ITGB8: variants seen among roughly 807,000 people sequenced by gnomAD.
ITGB8 encodes the protein integrin beta-8.
ITGB8 carries 30 observed loss-of-function variants against 89.5 expected under a neutral mutation model. The ratio of observed to expected loss-of-function variants is 0.34; its 90% confidence interval spans 0.25 to 0.45. The LOEUF (loss-of-function observed/expected upper bound fraction) is 0.45, where lower values mean the gene tolerates loss of function less well. ITGB8 is among the 20% of genes least tolerant of loss of function. The pLI is 1.00. For synonymous variants in ITGB8, 335 were observed against 320.4 expected (o/e 1.05, Z -0.49); for missense variants, 836 against 933.3 (o/e 0.90, Z 1.36).
chr7:20,403,995 ATCTT>A (rs1024396101), intron 10 of ITGB8, among the ~76,000 whole-genome samples: 2 of 152,120 alleles, frequency 1.3e-5, no homozygotes, highest in African/African-American at 4.8e-5. Context: ...CACACACACC[ATCTT>A]TCTTTCTTTT....
chr7:20,367,836 T>C (rs947764964), intron 3 of ITGB8, among the ~76,000 whole-genome samples: 2 of 152,212 alleles, frequency 1.3e-5, no homozygotes, highest in Non-Finnish European at 1.5e-5. Context: ...GTTTGGCCTA[T>C]GTTGTAGGCC....
At chr7:20,400,210 TG>T (rs11361173) in intron 9 of ITGB8, among the ~76,000 whole-genome samples, 3,309 of 152,302 alleles carry the variant, frequency 0.022, 99 homozygotes, top group African/African-American at 0.068. Context: ...GCTTTTACAT[TG>T]TTTTTTTTCT....
chr7:20,406,549 T>TA (rs35654498), intron 12 of ITGB8, among the ~76,000 whole-genome samples: 100 of 148,414 alleles, frequency 6.7e-4, no homozygotes, highest in Middle Eastern at 3.4e-3. Context: ...GAACCCCATT[T>TA]AAAAAAAAAA....
At chr7:20,373,510 A>G (rs1193852612) in intron 3 of ITGB8, among the ~76,000 whole-genome samples, 1 of 152,206 alleles carries the variant, frequency 6.6e-6, no homozygotes, top group Non-Finnish European at 1.5e-5. Flanking sequence ...ATAATGTGCA[A>G]AAAGAATCTT....
Position 20,331,626 on chromosome 7 carries a change from C to G in ITGB8, c.-181C>G, listed in dbSNP as rs1784397700. 13 of 625,172 alleles carry G rather than the reference C, an allele frequency of 2.1e-5. 1 individual carries two copies. Among genetic ancestry groups the G allele is most frequent in the Middle Eastern group, 4.5e-4 (1 of 2,236 alleles). The allele number at this position is 625,172 out of a possible 1,614,324, so 38.7% of individuals were successfully genotyped here. On this transcript the variant is annotated 5_prime_UTR_variant, in exon 1 of 14. Coordinates refer to ENST00000222573, the MANE Select transcript of ITGB8 (RefSeq NM_002214.3). ...GAGGGCCGCAGGGGCCCTGAGATGC[C>G]GAGCGGTGCCCGGGCCCGCTTACCT...
Position 20,366,891 on chromosome 7 carries a change from T to C in ITGB8, c.214-121T>C, listed in dbSNP as rs1427934065. Reference sequence around the variant, plus strand: ...TTTTCTTGTAGAAATAGTAAAAACATAAGGATTAGAAGAAATTAAAATGAT... The same window carrying C: ...TTTTCTTGTAGAAATAGTAAAAACACAAGGATTAGAAGAAATTAAAATGAT... On this transcript the variant is annotated intron_variant, in intron 2 of 13. Coordinates refer to ENST00000222573, the MANE Select transcript of ITGB8 (RefSeq NM_002214.3). The C allele has an allele frequency of 1.4e-5, 9 of 640,188 alleles. No individual in the cohort carries two copies. In the South Asian group the frequency reaches 2.2e-4, roughly 15 times the overall value. The allele number at this position is 640,188 out of a possible 1,614,324, so 39.7% of individuals were successfully genotyped here.
chr7:20,373,186 A>T (rs1308982765), intron 3 of ITGB8, among the ~76,000 whole-genome samples: 2 of 152,218 alleles, frequency 1.3e-5, no homozygotes, highest in East Asian at 3.8e-4. Flanking sequence ...GTTTCTTAAA[A>T]AATGTTAGTA....
rs754971087 is a variant in ITGB8 at position 20,409,902 on chromosome 7, A to C, written c.2215A>C (p.Thr739Pro). The change falls in exon 14 of 14, where the codon ACA becomes CCA. Residue 739 changes from threonine (T) to proline (P), a missense_variant. Thr to Pro is a conservative substitution (Grantham distance 38). Coordinates refer to ENST00000222573, the MANE Select transcript of ITGB8 (RefSeq NM_002214.3). Reference protein sequence around the residue: ...KDKLILQSVCTRAVTYRREKP... With the variant: ...KDKLILQSVCPRAVTYRREKP... ...TAAGTTGATTCTGCAAAGTGTTTGC[A>C]CAAGAGCAGTCACCTACCGACGTGA... The C allele has an allele frequency of 1.9e-6, 3 of 1,613,816 alleles. No homozygotes were observed. In the South Asian group the frequency reaches 3.3e-5, roughly 18 times the overall value.
intron 6 of ITGB8, among the ~76,000 whole-genome samples, chr7:20,390,082 T>C (rs1181868830): frequency 1.3e-5 from 2 of 152,152 alleles, no homozygotes; most frequent in South Asian, 2.1e-4. Flanking sequence ...GTCTAGCCCT[T>C]TTACCAAGTT....
intron 4 of ITGB8, chr7:20,380,424 G>A: frequency 2.3e-6 from 1 of 428,970 alleles, no homozygotes; most frequent in Non-Finnish European, 4.1e-6. Flanking sequence ...TAAAAAACAT[G>A]TTTAATCATC....
In ITGB8 at chr7:20,413,489, G is replaced by A. The variant is rs1442442396; in HGVS notation, c.*3492G>A. On this transcript the variant is annotated 3_prime_UTR_variant, in exon 14 of 14. Coordinates refer to ENST00000222573, the MANE Select transcript of ITGB8 (RefSeq NM_002214.3). Reference sequence around the variant, plus strand: ...TAGAATTATATTCTTCCTGGAACCTGGTAGAGTAGATTAGACTCAAAGGCT... The same window carrying A: ...TAGAATTATATTCTTCCTGGAACCTAGTAGAGTAGATTAGACTCAAAGGCT... 1.3e-5 allele frequency: 2 copies of A among 152,582 alleles called. No individual in the cohort carries two copies. Among genetic ancestry groups the A allele is most frequent in the African/African-American group, 2.4e-5 (1 of 41,550 alleles). The allele number at this position is 152,582 out of a possible 1,614,324, so 9.5% of individuals were successfully genotyped here. A position where few individuals can be genotyped will look rare whatever the true frequency, so the allele number is the denominator to read the frequency against.
intron 8 of ITGB8, among the ~76,000 whole-genome samples, chr7:20,397,944 G>A (rs558705869): frequency 1.3e-5 from 2 of 151,338 alleles, no homozygotes; most frequent in African/African-American, 2.4e-5. Context: ...CACATACTTC[G>A]TTTTTCCTTT....
upstream of ITGB8, among the ~76,000 whole-genome samples, chr7:20,330,323 C>A (rs888909949): frequency 3.3e-5 from 5 of 152,158 alleles, no homozygotes; most frequent in Non-Finnish European, 7.3e-5. Flanking sequence ...GCGTTGGGGG[C>A]AGGGGAGGTC....
chr7:20,386,597 T>C (rs1786637421), intron 6 of ITGB8, among the ~76,000 whole-genome samples: 1 of 151,938 alleles, frequency 6.6e-6, no homozygotes, highest in Admixed American at 6.6e-5. Context: ...AGAACTAATT[T>C]GAATGCTTCT....
At chr7:20,399,352 G>A (rs981638736) in intron 9 of ITGB8, among the ~76,000 whole-genome samples, 2 of 152,000 alleles carry the variant, frequency 1.3e-5, no homozygotes, top group African/African-American at 2.4e-5. Flanking sequence ...ATGCCTTTTT[G>A]ATTTCATATT....
At chr7:20,371,084 G>A (rs1388403745) in intron 3 of ITGB8, among the ~76,000 whole-genome samples, 1 of 152,088 alleles carries the variant, frequency 6.6e-6, no homozygotes, top group African/African-American at 2.4e-5. Context: ...ACCAAAGATA[G>A]TTGATTTTTG....
intron 1 of ITGB8, among the ~76,000 whole-genome samples, chr7:20,342,527 G>A (rs551455137): frequency 1.3e-5 from 2 of 152,304 alleles, no homozygotes; most frequent in Admixed American, 1.3e-4. Flanking sequence ...GTTGTTGGAT[G>A]TTGCCTAGAT....
intron 4 of ITGB8, chr7:20,380,012 C>A (rs1786313129): frequency 6.6e-6 from 1 of 152,120 alleles, no homozygotes; most frequent in Non-Finnish European, 1.5e-5. Context: ...TTTCTTGCTT[C>A]TACAAATTGC....
At chr7:20,372,648 T>A (rs183383025) in intron 3 of ITGB8, among the ~76,000 whole-genome samples, 6 of 152,146 alleles carry the variant, frequency 3.9e-5, no homozygotes, top group African/African-American at 1.2e-4. Context: ...GGGGAAGAGA[T>A]CATGGGGAGT....
Sources: allele counts gnomAD v4.1 joint callset (sites outside exome capture counted in the v4.1 genomes callset), GRCh38; gene constraint gnomAD v4.1.1; transcripts MANE v1.5; gene names NCBI Gene and HGNC (gene_info 2026-07-23, HGNC 2026-07-21).